The following TRIM38 variants were observed in gnomAD, a reference collection of about 807,000 sequenced individuals.
The protein encoded by TRIM38 is tripartite motif containing 38, also known as E3 ubiquitin-protein ligase TRIM38.
Under a neutral mutation model 35.8 loss-of-function variants are expected in TRIM38, and 35 were observed. The ratio of observed to expected loss-of-function variants is 0.98; its 90% CI spans 0.75 to 1.30. The LOEUF is 1.30. Ranked by LOEUF, TRIM38 falls within the 50% of genes most tolerant of loss-of-function variation. The pLI, the probability that TRIM38 is intolerant of heterozygous loss-of-function variation, is 0.00. For missense variants in TRIM38, 545 were observed against 556.9 expected, an observed-to-expected ratio of 0.98 and a Z score of 0.21; for synonymous variants, 198 against 204.7, an observed-to-expected ratio of 0.97 and a Z score of 0.28.
At position 25,983,922 on chromosome 6, in the gene TRIM38, T is replaced by C. The variant is rs1280285498; in HGVS notation, c.*235T>C. 2.2e-6 allele frequency: 1 copy of C among 447,134 alleles called. No homozygotes were observed. The highest frequency in any genetic ancestry group is 3.8e-5 in the East Asian group (1 of 26,018). The allele number at this position is 447,134 out of a possible 1,614,324, so 27.7% of individuals were successfully genotyped here. On this transcript the variant is annotated 3_prime_UTR_variant, in exon 8 of 8. Coordinates refer to ENST00000357085, the MANE Select transcript of TRIM38 (RefSeq NM_006355.5). The stretch of plus-strand genomic sequence containing the variant: ...GCAAGATAATAGTGATGATCGTATG[T>C]TGCTGTCTCCATCCGTCTTTAATGG...
rs1272695178 is a variant in TRIM38 at position 25,987,815 on chromosome 6, C to T, written c.*4128C>T. 1.3e-5 allele frequency: 2 copies of T among 152,120 alleles called. No individual in the cohort carries two copies. The highest frequency in any genetic ancestry group is 4.8e-5 in the African/African-American group (2 of 41,404). 9.4% of individuals were successfully genotyped at this position (152,120 alleles called of 1,614,324 possible). A position where few individuals can be genotyped will look rare whatever the true frequency, so the allele number is the denominator to read the frequency against. On this transcript the variant is annotated 3_prime_UTR_variant, in exon 8 of 8. Transcript: ENST00000357085. ...TATAGTATCACAGAAGTTTCACTGC[C>T]CTAAAAATCCTGTGTTCTGCCTTTT...
Position 25,971,974 on chromosome 6 carries a change from GAAC to G in TRIM38, c.618_620del (p.Gln207del), listed in dbSNP as rs1760248638. On this transcript the variant is annotated inframe_deletion, in exon 5 of 8. Transcript: ENST00000357085. ...TTATCTCTGGAGGCTGGAGAAAGAA[GAAC>G]AACAGACTCTGAGTAGACTGAGGGA... 6.2e-7 allele frequency: 1 copy of G among 1,614,042 alleles called. No individual in the cohort carries two copies. Among genetic ancestry groups the G allele is most frequent in the Non-Finnish European group, 8.5e-7 (1 of 1,180,034 alleles).
rs1760791483 is a variant in TRIM38, at chr6:25,989,466, T to A, written c.*5779T>A. 6.6e-6 allele frequency: 1 copy of A among 151,854 alleles called. No individual in the cohort carries two copies. The highest frequency in any genetic ancestry group is 1.5e-5 in the Non-Finnish European group (1 of 67,974). The allele number at this position is 151,854 out of a possible 1,614,324, so 9.4% of individuals were successfully genotyped here. On this transcript the variant is annotated 3_prime_UTR_variant, in exon 8 of 8. Transcript: ENST00000357085. ...CTAAATAAATTACAGTTTTTCAAAT[T>A]TTGAATTAATTGATCTTTGCTATTG...
intron 2 of TRIM38, among the ~76,000 whole-genome samples, chr6:25,965,240 G>A (rs1759987353): frequency 6.6e-6 from 1 of 152,160 alleles, no homozygotes; most frequent in African/African-American, 2.4e-5. Flanking sequence ...GTAACTTTCT[G>A]TGATAACAGA....
intron 7 of TRIM38, chr6:25,975,320 C>A: frequency 5.1e-6 from 1 of 197,662 alleles, no homozygotes; most frequent in Non-Finnish European, 9.1e-6. Context: ...AGCGCCTCAG[C>A]CTCCCGGGTA....
intron 7 of TRIM38, among the ~76,000 whole-genome samples, chr6:25,977,203 G>T (rs1446352392): frequency 6.6e-6 from 1 of 152,136 alleles, no homozygotes; most frequent in Non-Finnish European, 1.5e-5. Context: ...GTCATCAGTG[G>T]GCAGTGAATT....
chr6:25,983,772 T>C lies in TRIM38; in HGVS notation c.*85T>C, dbSNP rs1047618924. On this transcript the variant is annotated 3_prime_UTR_variant, in exon 8 of 8. Transcript: ENST00000357085. ...AGGGCAGACGTTTGGTCTGTTTTCTTCGCTGTCATTTCCTTAGTAGTTAGA... is the reference window on the plus strand; with the variant it reads ...AGGGCAGACGTTTGGTCTGTTTTCTCCGCTGTCATTTCCTTAGTAGTTAGA... 1 of 1,287,702 alleles carries C rather than the reference T, an allele frequency of 7.8e-7. No homozygotes were observed. Among genetic ancestry groups the C allele is most frequent in the Admixed American group, 2.4e-5 (1 of 41,220 alleles). The allele number at this position is 1,287,702 out of a possible 1,614,324, so 79.8% of individuals were successfully genotyped here.
intron 7 of TRIM38, chr6:25,973,690 T>C (rs1760308025): frequency 1.6e-5 from 16 of 985,428 alleles, no homozygotes; most frequent in Non-Finnish European, 1.7e-5. Flanking sequence ...GATCATAGTG[T>C]TTATTATCAA....
At chr6:25,975,496 C>T in intron 7 of TRIM38, 2 of 616,034 alleles carry the variant, frequency 3.2e-6, no homozygotes, top group Non-Finnish European at 4.1e-6. Flanking sequence ...GTCACTGTGC[C>T]CAGCTTTATT....
Position 25,981,261 on chromosome 6 carries a change from T to C in TRIM38, c.875-1903T>C, listed in dbSNP as rs147444733. 4.3e-4 allele frequency among the ~76,000 whole-genome samples: 66 copies of C among 152,380 alleles called. No homozygotes were observed. The East Asian group carries it at 0.012, about 28-fold the overall frequency. On this transcript the variant is annotated intron_variant, in intron 7 of 7. Transcript: ENST00000357085. ...CTTCTTTGTGCCCTATGGTCTCCTC[T>C]GGTGCTTCCCATTGGCTGAACCAAG...
At chr6:25,982,355 A>ATGCCCTCACCTGTT (rs1760568162) in intron 7 of TRIM38, among the ~76,000 whole-genome samples, 1 of 152,116 alleles carries the variant, frequency 6.6e-6, no homozygotes, top group African/African-American at 2.4e-5. Flanking sequence ...CCATGTCCTC[A>ATGCCCTCACCTGTT]TGCCCTCACC....
chr6:25,977,902 CT>C (rs1197464565), intron 7 of TRIM38, among the ~76,000 whole-genome samples: 1 of 151,984 alleles, frequency 6.6e-6, no homozygotes, highest in Non-Finnish European at 1.5e-5. Context: ...CATTGGAGAC[CT>C]TCTTTTCCCG....
At position 25,987,857 on chromosome 6, in the gene TRIM38, C is replaced by T. The variant is rs1342358455; in HGVS notation, c.*4170C>T. 1 of 152,144 alleles carries T rather than the reference C, an allele frequency of 6.6e-6. No homozygotes were observed. Among genetic ancestry groups the T allele is most frequent in the Non-Finnish European group, 1.5e-5 (1 of 68,048 alleles). The allele number at this position is 152,144 out of a possible 1,614,324, so 9.4% of individuals were successfully genotyped here. Reference sequence around the variant, plus strand: ...CTGCCTTTTCAACACTTCCTGTCACCCAATTTCTATCAACTAATCTTTTGA... The same window carrying T: ...CTGCCTTTTCAACACTTCCTGTCACTCAATTTCTATCAACTAATCTTTTGA... On this transcript the variant is annotated 3_prime_UTR_variant, in exon 8 of 8. Coordinates refer to ENST00000357085, the MANE Select transcript of TRIM38 (RefSeq NM_006355.5).
At chr6:25,971,812 T>A in intron 4 of TRIM38, 57 bp from the exon 5 acceptor site, 6 of 1,431,670 alleles carry the variant, frequency 4.2e-6, no homozygotes, top group Non-Finnish European at 5.9e-6. Flanking sequence ...TATCCATTCA[T>A]CCATAGATGG....
Position 25,987,912 on chromosome 6 carries a change from G to GT in TRIM38, c.*4226dup, listed in dbSNP as rs1444060632. Reference sequence around the variant, plus strand: ...GTCCATAGTTACTGTCTTTTCTAGAGTGTCATACAGTTGTGAAGCAGGAAG... The same window carrying GT: ...GTCCATAGTTACTGTCTTTTCTAGAGTTGTCATACAGTTGTGAAGCAGGAAG... On this transcript the variant is annotated 3_prime_UTR_variant, in exon 8 of 8. Coordinates refer to ENST00000357085, the MANE Select transcript of TRIM38 (RefSeq NM_006355.5). The GT allele has an allele frequency of 2.0e-5, 3 of 152,120 alleles. No homozygotes were observed. The highest frequency in any genetic ancestry group is 2.0e-4 in the Admixed American group (3 of 15,270). The allele number at this position is 152,120 out of a possible 1,614,324, so 9.4% of individuals were successfully genotyped here.
At chr6:25,967,975 G>C (rs1409043923) in intron 3 of TRIM38, among the ~76,000 whole-genome samples, 2 of 152,210 alleles carry the variant, frequency 1.3e-5, no homozygotes, top group Admixed American at 6.5e-5. Flanking sequence ...AGGTGAAGCA[G>C]AGGGAGAGGT....
In TRIM38 at chr6:25,989,507, ATTCTTTTTTTTTTT is replaced by A. The variant is rs1760792599; in HGVS notation, c.*5823_*5836del. ...TTTGCTATTGTTAGCAAGGTCTTGTATTCTTTTTTTTTTTTTTTTTTTTTTTTAATAGAGACGGG... is the reference window on the plus strand; with the variant it reads ...TTTGCTATTGTTAGCAAGGTCTTGTATTTTTTTTTTTTTAATAGAGACGGG... On this transcript the variant is annotated 3_prime_UTR_variant, in exon 8 of 8. Coordinates refer to ENST00000357085, the MANE Select transcript of TRIM38 (RefSeq NM_006355.5). 1 of 109,938 alleles carries A rather than the reference ATTCTTTTTTTTTTT, an allele frequency of 9.1e-6. No homozygotes were observed. The highest frequency in any genetic ancestry group is 1.9e-5 in the Non-Finnish European group (1 of 52,510). 6.8% of individuals were successfully genotyped at this position (109,938 alleles called of 1,614,324 possible). A position where few individuals can be genotyped will look rare whatever the true frequency, so the allele number is the denominator to read the frequency against.
chr6:25,971,861 G>A lies in TRIM38; in HGVS notation c.508-8G>A, dbSNP rs1212194967. On this transcript the variant is annotated splice_polypyrimidine_tract_variant and splice_region_variant and intron_variant, in intron 4 of 7. Coordinates refer to ENST00000357085, the MANE Select transcript of TRIM38 (RefSeq NM_006355.5). ...TTCCACCTTTTGACCATACTTTCTT[G>A]ACTCCAGGAGAAGGTACAGATTCAG... The A allele has an allele frequency of 2.5e-6, 4 of 1,611,758 alleles. No individual in the cohort carries two copies. The highest frequency in any genetic ancestry group is 3.4e-6 in the Non-Finnish European group (4 of 1,178,134).
At chr6:25,978,751 C>T (rs1319242425) in intron 7 of TRIM38, among the ~76,000 whole-genome samples, 1 of 152,116 alleles carries the variant, frequency 6.6e-6, no homozygotes, top group Non-Finnish European at 1.5e-5. Context: ...ACTGCAATCT[C>T]CACCTCCCAG....
Sources: gnomAD v4.1 joint callset for allele counts (sites outside exome capture counted in the v4.1 genomes callset) on GRCh38, gnomAD v4.1.1 for gene constraint, MANE v1.5 for transcripts, NCBI Gene and HGNC (gene_info 2026-07-23, HGNC 2026-07-21) for gene names.